The following PTPRD variants were observed in gnomAD, a reference collection of about 807,000 sequenced individuals.
PTPRD encodes the protein receptor-type tyrosine-protein phosphatase delta.
PTPRD carries 34 observed loss-of-function variants against 214.5 expected under a neutral mutation model. The ratio of observed to expected loss-of-function variants is 0.16; its 90% CI spans 0.12 to 0.21. PTPRD has a LOEUF of 0.21. PTPRD is among the 10% of genes least tolerant of loss of function. PTPRD has a pLI of 1.00. For synonymous variants in PTPRD, 1,128 were observed against 845.7 expected, an observed-to-expected ratio of 1.33 and a Z score of -5.79; for missense variants, 2,545 against 2,398.7, an observed-to-expected ratio of 1.06 and a Z score of -1.27.
chr9:9,414,621 C>A (rs960726472), intron 8 of PTPRD: 3 of 152,102 alleles, frequency 2.0e-5, no homozygotes, highest in Non-Finnish European at 2.9e-5. Flanking sequence ...CTCTTAGATA[C>A]ACTGTGTTGC....
At chr9:8,841,073 T>C (rs1414737628) in intron 11 of PTPRD, among the ~76,000 whole-genome samples, 4 of 152,194 alleles carry the variant, frequency 2.6e-5, no homozygotes, top group Admixed American at 2.6e-4. Context: ...AGATGGACTA[T>C]TAAATCTTTC....
At chr9:9,446,665 G>C (rs1166734601) in intron 8 of PTPRD, among the ~76,000 whole-genome samples, 2 of 152,066 alleles carry the variant, frequency 1.3e-5, no homozygotes, top group Non-Finnish European at 2.9e-5. Flanking sequence ...ACCTCCAAAT[G>C]GGATCTAATT....
intron 3 of PTPRD, among the ~76,000 whole-genome samples, chr9:10,158,003 T>TTTGTTTGTTTG (rs138430444): frequency 1.3e-5 from 2 of 150,954 alleles, no homozygotes; most frequent in East Asian, 3.9e-4. Context: ...GTTTATGGTT[T>TTTGTTTGTTTG]TTTGTTTGTT....
chr9:10,027,310 T>C (rs997266831), intron 4 of PTPRD, among the ~76,000 whole-genome samples: 2 of 152,156 alleles, frequency 1.3e-5, no homozygotes, highest in Non-Finnish European at 2.9e-5. Flanking sequence ...TTGTTTGAGA[T>C]AAAAGCACAG....
chr9:9,221,669 A>G (rs2099956133), intron 9 of PTPRD, among the ~76,000 whole-genome samples: 1 of 151,952 alleles, frequency 6.6e-6, no homozygotes, highest in Admixed American at 6.6e-5. Flanking sequence ...ATTTAAACTG[A>G]ACTATCTCCT....
At chr9:9,728,792 T>C (rs1208302090) in intron 7 of PTPRD, among the ~76,000 whole-genome samples, 1 of 152,204 alleles carries the variant, frequency 6.6e-6, no homozygotes, top group Admixed American at 6.6e-5. Flanking sequence ...CATTTTCCTA[T>C]TAGAAAGTAG....
intron 5 of PTPRD, among the ~76,000 whole-genome samples, chr9:9,936,996 A>G (rs1313957559): frequency 6.6e-6 from 1 of 151,554 alleles, no homozygotes; most frequent in African/African-American, 2.4e-5. Context: ...AACCCCACAT[A>G]TTCTCACTCA....
At chr9:8,945,489 C>T (rs557204522) in intron 11 of PTPRD, among the ~76,000 whole-genome samples, 5 of 152,124 alleles carry the variant, frequency 3.3e-5, no homozygotes, top group African/African-American at 1.2e-4. Context: ...TGGCTATCTA[C>T]TGCAATTCAT....
chr9:10,072,087 T>C (rs1222105878), intron 3 of PTPRD, among the ~76,000 whole-genome samples: 1 of 151,952 alleles, frequency 6.6e-6, no homozygotes. Context: ...TGGGAGAATA[T>C]ATTTGCAAAT....
chr9:10,280,670 CAGA>C (rs1564991659), intron 3 of PTPRD, among the ~76,000 whole-genome samples: 1 of 152,052 alleles, frequency 6.6e-6, no homozygotes, highest in Non-Finnish European at 1.5e-5. Context: ...GTGGCACAAT[CAGA>C]TCATATAGCT....
At chr9:9,450,946 T>TACAC (rs1386137342) in intron 8 of PTPRD, among the ~76,000 whole-genome samples, 89 of 52,154 alleles carry the variant, frequency 1.7e-3, no homozygotes, top group Admixed American at 2.6e-3. Context: ...AATACATACA[T>TACAC]ACATACACAC....
intron 37 of PTPRD, among the ~76,000 whole-genome samples, chr9:8,378,196 A>T (rs2083837012): frequency 2.0e-5 from 3 of 152,112 alleles, no homozygotes; most frequent in African/African-American, 7.2e-5. Context: ...TAGTTGTACA[A>T]AATAGCCTTC....
chr9:9,231,530 T>A (rs2133864096), intron 9 of PTPRD, among the ~76,000 whole-genome samples: 1 of 152,274 alleles, frequency 6.6e-6, no homozygotes, highest in East Asian at 1.9e-4. Context: ...AGTAAGACTA[T>A]CTAAATGCTA....
At chr9:10,455,932 T>G (rs1000284880) in intron 2 of PTPRD, among the ~76,000 whole-genome samples, 1 of 151,836 alleles carries the variant, frequency 6.6e-6, no homozygotes, top group African/African-American at 2.4e-5. Flanking sequence ...CAAAAAATAT[T>G]AGAAGTTTGT....
chr9:8,694,298 A>AG (rs1555155095), intron 12 of PTPRD, among the ~76,000 whole-genome samples: 2 of 150,848 alleles, frequency 1.3e-5, no homozygotes, highest in Non-Finnish European at 3.0e-5. Context: ...AAAAGTTGTA[A>AG]TTTTTTTTTT....
intron 7 of PTPRD, among the ~76,000 whole-genome samples, chr9:9,643,498 T>G (rs377709764): frequency 2.4e-4 from 36 of 152,256 alleles, no homozygotes; most frequent in African/African-American, 8.7e-4. Flanking sequence ...CAAGAAAGTA[T>G]TTTTCTTCAT....
intron 8 of PTPRD, among the ~76,000 whole-genome samples, chr9:9,494,133 G>C (rs1042481995): frequency 6.6e-6 from 1 of 152,122 alleles, no homozygotes; most frequent in African/African-American, 2.4e-5. Context: ...ACAACCTCAT[G>C]ATAAAACTTG....
chr9:8,768,363 C>T (rs1447245989), intron 11 of PTPRD, among the ~76,000 whole-genome samples: 1 of 152,172 alleles, frequency 6.6e-6, no homozygotes, highest in Non-Finnish European at 1.5e-5. Flanking sequence ...CCAGTCTGAG[C>T]AACATGGCAA....
chr9:10,517,787 T>C (rs2050640974), intron 2 of PTPRD, among the ~76,000 whole-genome samples: 2 of 152,132 alleles, frequency 1.3e-5, no homozygotes, highest in Non-Finnish European at 2.9e-5. Flanking sequence ...GTAATCTTTT[T>C]AATAAATATA....
Sources: gnomAD v4.1 joint callset for allele counts (sites outside exome capture counted in the v4.1 genomes callset) on GRCh38, gnomAD v4.1.1 for gene constraint, MANE v1.5 for transcripts, NCBI Gene and HGNC (gene_info 2026-07-23, HGNC 2026-07-21) for gene names.